Variants in OVGP1 observed in about 807,000 individuals in gnomAD.
The protein encoded by OVGP1 is oviductal glycoprotein 1.
Under a neutral mutation model 48.2 loss-of-function variants are expected in OVGP1, and 26 were observed. That is an observed-to-expected ratio of 0.54 (90% CI 0.40 to 0.75). The LOEUF (loss-of-function observed/expected upper bound fraction) is 0.75. Among genes scored for constraint, OVGP1 ranks in the 30% least tolerant of loss-of-function variants. The probability of loss-of-function intolerance (pLI) is 0.00; values close to 1 mark genes in which losing one functional copy is unlikely to be tolerated. For missense variants in OVGP1, 791 were observed against 820.6 expected, an observed-to-expected ratio of 0.96 and a Z score of 0.44; for synonymous variants, 294 against 305.7, an observed-to-expected ratio of 0.96 and a Z score of 0.40.
intron 2 of OVGP1, 185 bp from the exon 3 acceptor site, chr1:111,426,826 G>A (rs776070735): frequency 3.9e-6 from 6 of 1,547,218 alleles, no homozygotes; most frequent in African/African-American, 2.7e-5. Context: ...TGAGGTCTCA[G>A]GAAGAAAACA....
In OVGP1 at chr1:111,418,582, T is replaced by G. The variant is rs562186986; in HGVS notation, c.1020+1028A>C. On this transcript the variant is annotated intron_variant, in intron 9 of 10. Coordinates refer to ENST00000369732, the MANE Select transcript of OVGP1 (RefSeq NM_002557.4). ...TGCATCACCGTTAACAGGAGAACTGTGAATTCTCTCTATTTAAGTCTCAAT... is the reference window on the plus strand; with the variant it reads ...TGCATCACCGTTAACAGGAGAACTGGGAATTCTCTCTATTTAAGTCTCAAT... Among the ~76,000 whole-genome samples, 6 of 152,234 alleles carry G rather than the reference T, an allele frequency of 3.9e-5. 1 individual carries two copies. In the South Asian group the frequency reaches 1.2e-3, roughly 32 times the overall value.
chr1:111,424,235 C>T (rs1652344421), intron 4 of OVGP1, among the ~76,000 whole-genome samples: 1 of 152,158 alleles, frequency 6.6e-6, no homozygotes. Flanking sequence ...GCACAAGAGG[C>T]CTGTGTTCTG....
chr1:111,416,093 C>T (rs1375376544), intron 10 of OVGP1, among the ~76,000 whole-genome samples: 1 of 152,184 alleles, frequency 6.6e-6, no homozygotes. Context: ...ATAATAATGT[C>T]ATGAGTATAC....
chr1:111,427,060 A>G lies in OVGP1; in HGVS notation c.55+2T>C. Reference sequence around the variant, plus strand: ...CTGGAAGGGAAAACACAGTTTCCTTACCATCGTGGTGTTTCAGCACAAGAA... The same window carrying G: ...CTGGAAGGGAAAACACAGTTTCCTTGCCATCGTGGTGTTTCAGCACAAGAA... On this transcript the variant is annotated splice_donor_variant, in intron 2 of 10. Transcript: ENST00000369732. LOFTEE classifies it high-confidence loss of function. 6.2e-7 allele frequency: 1 copy of G among 1,614,124 alleles called. No individual in the cohort carries two copies. Among genetic ancestry groups the G allele is most frequent in the Non-Finnish European group, 8.5e-7 (1 of 1,179,972 alleles).
intron 9 of OVGP1, among the ~76,000 whole-genome samples, chr1:111,417,296 G>A (rs1442290853): frequency 6.6e-6 from 1 of 152,156 alleles, no homozygotes; most frequent in African/African-American, 2.4e-5. Context: ...AATATTATAT[G>A]CTTCTCACAG....
intron 9 of OVGP1, among the ~76,000 whole-genome samples, chr1:111,418,514 CCA>C (rs1557782652): frequency 6.6e-6 from 1 of 152,160 alleles, no homozygotes; most frequent in East Asian, 1.9e-4. Flanking sequence ...CTGGTGCTTC[CCA>C]CACAAACTTC....
chr1:111,417,170 G>C (rs1652157102), intron 9 of OVGP1, among the ~76,000 whole-genome samples: 1 of 152,168 alleles, frequency 6.6e-6, no homozygotes, highest in African/African-American at 2.4e-5. Context: ...CTAACCCTCT[G>C]GGTTCCCCAC....
Position 111,421,654 on chromosome 1 carries a change from CAT to C in OVGP1, c.626_627del (p.Asn209SerfsTer5). 6.2e-7 allele frequency: 1 copy of C among 1,609,372 alleles called. No individual in the cohort carries two copies. Reference protein sequence around the residue: ...RFLGRLLDFINVLSYDLHGSW... With the variant: ...RFLGRLLDFIXVLSYDLHGSW... ...CTTCCATGTAAGTCATAAGACAAGA[CAT>C]TGATGAAATCCAGGAGTCTGTAAGG... On this transcript the variant is annotated frameshift_variant, in exon 7 of 11. Coordinates refer to ENST00000369732, the MANE Select transcript of OVGP1 (RefSeq NM_002557.4). LOFTEE classifies it high-confidence loss of function.
Position 111,414,949 on chromosome 1 carries a change from T to C in OVGP1, c.1552A>G (p.Thr518Ala), listed in dbSNP as rs551744565. The C allele has an allele frequency of 1.7e-4, 135 of 807,110 alleles. 2 individuals are homozygous for C. The South Asian group carries it at 2.7e-3, about 16-fold the overall frequency. The allele number at this position is 807,110 out of a possible 1,614,324, so 50.0% of individuals were successfully genotyped here. A position where few individuals can be genotyped will look rare whatever the true frequency, so the allele number is the denominator to read the frequency against. ...TLTSVGYQSV[T>A]PGEKTLTPVG... The stretch of plus-strand genomic sequence containing the variant: ...GGGGTCAGGGTCTTTTCCCCAGGGG[T>C]CACAGACTGATAACCCACAGAGGTC... The change falls in exon 11 of 11, where the codon ACC (threonine) becomes GCC (alanine). Residue 518 changes from threonine to alanine, a missense_variant. Coordinates refer to ENST00000369732, the MANE Select transcript of OVGP1 (RefSeq NM_002557.4).
Position 111,416,678 on chromosome 1 carries a change from AAG to A in OVGP1, c.1021-222_1021-221del, listed in dbSNP as rs1553192629. 26 of 409,412 alleles carry A rather than the reference AAG, an allele frequency of 6.4e-5. No homozygotes were observed. In the Admixed American group the frequency reaches 1.1e-3, roughly 18 times the overall value. The allele number at this position is 409,412 out of a possible 1,614,324, so 25.4% of individuals were successfully genotyped here. ...ACTGCCTCATTTGTGAAAAAAAAAA[AAG>A]AGGATAATAACATGTCCAACATGTT... On this transcript the variant is annotated intron_variant, in intron 9 of 10. Coordinates refer to ENST00000369732, the MANE Select transcript of OVGP1 (RefSeq NM_002557.4).
At chr1:111,419,838 G>A in intron 8 of OVGP1, 112 bp from the exon 9 acceptor site, 1 of 698,218 alleles carries the variant, frequency 1.4e-6, no homozygotes. Flanking sequence ...ACCAGCGAAT[G>A]AGAAGAAGGT....
chr1:111,427,156 C>T, intron 1 of OVGP1, 65 bp from the exon 2 acceptor site: 1 of 1,611,160 alleles, frequency 6.2e-7, no homozygotes. Flanking sequence ...TATGGCACAG[C>T]ACACCCTCTG....
rs138007238 is a variant in OVGP1 at position 111,414,564 on chromosome 1, T to C, written c.1937A>G (p.Tyr646Cys). 1.9e-6 allele frequency: 3 copies of C among 1,614,160 alleles called. No homozygotes were observed. In the African/African-American group the frequency reaches 4.0e-5, roughly 22 times the overall value. ...TGAGTTGACAGAGGAATGGTTTCCA[T>C]AGATGGGAACAAAGCGGTTGTCAAA... is the stretch of plus-strand genomic sequence containing the variant. Reference protein sequence around the residue: ...LAFDNRFVPIYGNHSSVNSVT... With the variant: ...LAFDNRFVPICGNHSSVNSVT... The change falls in exon 11 of 11, where the codon TAT (tyrosine) becomes TGT (cysteine). Residue 646 changes from tyrosine to cysteine, a missense_variant. By Grantham distance (194) the Tyr-to-Cys change is radical (BLOSUM62 -2). Coordinates refer to ENST00000369732, the MANE Select transcript of OVGP1 (RefSeq NM_002557.4).
chr1:111,423,495 T>G (rs777906603), intron 5 of OVGP1, 48 bp downstream of exon 5: 2 of 1,593,872 alleles, frequency 1.3e-6, no homozygotes, highest in Non-Finnish European at 8.6e-7. Context: ...CCTAGATATA[T>G]AAAAGTAGAA....
At chr1:111,424,634 G>C (rs1652354967) in intron 4 of OVGP1, among the ~76,000 whole-genome samples, 2 of 152,198 alleles carry the variant, frequency 1.3e-5, no homozygotes, top group Admixed American at 1.3e-4. Flanking sequence ...GGAGCACAGG[G>C]AGTGTTCAGA....
At position 111,423,587 on chromosome 1, in the gene OVGP1, CT is replaced by C. The variant is rs777782204; in HGVS notation, c.438del (p.Gly147AlafsTer13). ...LDLFFLYPGL[R>X]GSPMHDRWTF... ...GTCCACCGGTCATGCATGGGGCTGC[CT>C]CTTAGTCCAGGATATAAGAAGAAAA... On this transcript the variant is annotated frameshift_variant, in exon 5 of 11. Coordinates refer to ENST00000369732, the MANE Select transcript of OVGP1 (RefSeq NM_002557.4). LOFTEE classifies it high-confidence loss of function. 6.2e-7 allele frequency: 1 copy of C among 1,614,164 alleles called. No homozygotes were observed. The highest frequency in any genetic ancestry group is 2.2e-5 in the East Asian group (1 of 44,888).
chr1:111,414,832 G>A lies in OVGP1; in HGVS notation c.1669C>T (p.Leu557Phe). The A allele has an allele frequency of 1.9e-6, 3 of 1,595,508 alleles. No individual in the cohort carries two copies. Among genetic ancestry groups the A allele is most frequent in the Non-Finnish European group, 2.6e-6 (3 of 1,167,928 alleles). The change falls in exon 11 of 11, where the codon CTT becomes TTT. Residue 557 changes from leucine to phenylalanine, a missense_variant. Coordinates refer to ENST00000369732, the MANE Select transcript of OVGP1 (RefSeq NM_002557.4). ...MTPVHFQTETLRQNTVAPRRK... is the reference protein window; with the variant it reads ...MTPVHFQTETFRQNTVAPRRK... ...CTAGGGGCCACTGTATTCTGTCTAA[G>A]GGTCTCAGTCTGAAAATGGACAGGG... is the stretch of plus-strand genomic sequence containing the variant.
intron 8 of OVGP1, among the ~76,000 whole-genome samples, chr1:111,420,837 G>A (rs1652249982): frequency 6.6e-6 from 1 of 152,224 alleles, no homozygotes; most frequent in Non-Finnish European, 1.5e-5. Flanking sequence ...GAGGGAGCCA[G>A]CAGAGATGAG....
Position 111,414,898 on chromosome 1 carries a change from CA to C in OVGP1, c.1602del (p.Val535Ter). 1 of 751,322 alleles carries C rather than the reference CA, an allele frequency of 1.3e-6. No individual in the cohort carries two copies. The highest frequency in any genetic ancestry group is 1.9e-6 in the Non-Finnish European group (1 of 533,544). 46.5% of individuals were successfully genotyped at this position (751,322 alleles called of 1,614,324 possible). Reference protein sequence around the residue: ...LTPVGHQSVTPVSHQSVSPGG... With the variant: ...LTPVGHQSVTXVSHQSVSPGG... ...CCAGGGCTCACAGACTGATGACTCA[CA>C]GGGGTCACAGACTGATGACCCACAG... On this transcript the variant is annotated frameshift_variant, in exon 11 of 11. Coordinates refer to ENST00000369732, the MANE Select transcript of OVGP1 (RefSeq NM_002557.4). LOFTEE classifies it low-confidence loss of function (END_TRUNC).
Sources: allele counts gnomAD v4.1 joint callset (sites outside exome capture counted in the v4.1 genomes callset), GRCh38; gene constraint gnomAD v4.1.1; transcripts MANE v1.5; gene names NCBI Gene and HGNC (gene_info 2026-07-23, HGNC 2026-07-21).